Variants in HMCN2 observed in about 807,000 individuals in gnomAD.
The protein encoded by HMCN2 is hemicentin 2, also known as hemicentin-2.
HMCN2 carries 325 observed loss-of-function variants against 377.5 expected under a neutral mutation model. The ratio of observed to expected loss-of-function variants is 0.86; its 90% CI spans 0.79 to 0.94. HMCN2 has a LOEUF of 0.94. Among genes scored for constraint, HMCN2 ranks in the 40% least tolerant of loss-of-function variants. The pLI is 0.00. For synonymous variants in HMCN2, 2,007 were observed against 2,046.8 expected, an observed-to-expected ratio of 0.98 and a Z score of 0.53; for missense variants, 4,543 against 4,725.3, an observed-to-expected ratio of 0.96 and a Z score of 1.13.
intron 15 of HMCN2, among the ~76,000 whole-genome samples, chr9:130,316,101 G>A (rs1837547750): frequency 6.6e-6 from 1 of 152,174 alleles, no homozygotes; most frequent in African/African-American, 2.4e-5. Flanking sequence ...CAGAGGCAGC[G>A]TGAAAGGCAG....
chr9:130,270,410 A>G (rs1834355813), intron 1 of HMCN2, among the ~76,000 whole-genome samples: 1 of 147,052 alleles, frequency 6.8e-6, no homozygotes, highest in Admixed American at 6.8e-5. Flanking sequence ...TGAAATTTTA[A>G]AAATTGGTAG....
chr9:130,384,340 T>C, intron 57 of HMCN2, 33 bp from the exon 58 acceptor site: 1 of 1,271,214 alleles, frequency 7.9e-7, no homozygotes, highest in Non-Finnish European at 1.0e-6. Flanking sequence ...GTGATTCTCA[T>C]GCCTTTCTCT....
At position 130,373,111 on chromosome 9, in the gene HMCN2, G is replaced by A; in HGVS notation, c.7425G>A (p.Met2475Ile). ...TTGATGGACAGACTGCCCATCTTATGTGCAACGTCACAGGTAAGGGCCACA... is the reference window on the plus strand; with the variant it reads ...TTGATGGACAGACTGCCCATCTTATATGCAACGTCACAGGTAAGGGCCACA... ...KVLDGQTAHL[M>I]CNVTGHPQPK... The change falls in exon 48 of 98, where the codon ATG becomes ATA. Residue 2475 changes from methionine to isoleucine, a missense_variant. Coordinates refer to ENST00000683500, the MANE Select transcript of HMCN2 (RefSeq NM_001291815.2). 3.1e-6 allele frequency: 3 copies of A among 981,524 alleles called. No homozygotes were observed. The highest frequency in any genetic ancestry group is 9.4e-5 in the South Asian group (2 of 21,198). The allele number at this position is 981,524 out of a possible 1,614,324, so 60.8% of individuals were successfully genotyped here. A position where few individuals can be genotyped will look rare whatever the true frequency, so the allele number is the denominator to read the frequency against.
At position 130,423,788 on chromosome 9, in the gene HMCN2, T is replaced by G. The variant is rs561523975; in HGVS notation, c.13382-988T>G. On this transcript the variant is annotated intron_variant, in intron 87 of 97. Coordinates refer to ENST00000683500, the MANE Select transcript of HMCN2 (RefSeq NM_001291815.2). The surrounding 1 kb of genome is among the most constrained non-coding windows in gnomAD (Gnocchi z 5.5). ...CACGTCCAGGGCCATTTTTTGGTTCTTTTTTCAAACGGTTTGGAACAAACC... is the reference window on the plus strand; with the variant it reads ...CACGTCCAGGGCCATTTTTTGGTTCGTTTTTCAAACGGTTTGGAACAAACC... Among the ~76,000 whole-genome samples the G allele has an allele frequency of 1.4e-3, 215 of 152,314 alleles. No homozygotes were observed. Among genetic ancestry groups the G allele is most frequent in the African/African-American group, 5.1e-3 (210 of 41,562 alleles).
rs1843020729 is a variant in HMCN2, at chr9:130,404,962, C to T, written c.12242C>T (p.Pro4081Leu). 1 of 1,289,370 alleles carries T rather than the reference C, an allele frequency of 7.8e-7. No homozygotes were observed. Among genetic ancestry groups the T allele is most frequent in the African/African-American group, 1.5e-5 (1 of 65,884 alleles). The allele number at this position is 1,289,370 out of a possible 1,614,324, so 79.9% of individuals were successfully genotyped here. ...TGCAAGGCGAGGGGCAGTCCTGAGCCCAACATCACCTGGGACAAAGATGGC... is the reference window on the plus strand; with the variant it reads ...TGCAAGGCGAGGGGCAGTCCTGAGCTCAACATCACCTGGGACAAAGATGGC... ...LPCKARGSPEPNITWDKDGQP... is the reference protein window; with the variant it reads ...LPCKARGSPELNITWDKDGQP... Residue 4081 changes from proline to leucine, a missense_variant, in exon 81 of 98, where the codon CCC becomes CTC. Coordinates refer to ENST00000683500, the MANE Select transcript of HMCN2 (RefSeq NM_001291815.2).
At chr9:130,408,670 T>C in intron 83 of HMCN2, 73 bp from the exon 84 acceptor site, 2 of 1,148,818 alleles carry the variant, frequency 1.7e-6, no homozygotes, top group Non-Finnish European at 2.3e-6. Context: ...TGGGCAGTCC[T>C]TTGGGGTTTA....
intron 48 of HMCN2, 61 bp from the exon 49 acceptor site, chr9:130,374,441 G>A: frequency 1.7e-5 from 15 of 887,322 alleles, no homozygotes; most frequent in Non-Finnish European, 2.0e-5. Flanking sequence ...AGCAGCCTGT[G>A]ACCCCTGGGC....
intron 3 of HMCN2, among the ~76,000 whole-genome samples, 151 bp downstream of exon 3, chr9:130,285,467 C>G (rs1835370379): frequency 6.6e-6 from 1 of 152,206 alleles, no homozygotes; most frequent in Non-Finnish European, 1.5e-5. Context: ...CATGCATGGC[C>G]AGAGCCTCCG....
At chr9:130,302,829 C>T in intron 8 of HMCN2, 28 bp from the exon 9 acceptor site, 1 of 436,944 alleles carries the variant, frequency 2.3e-6, no homozygotes, top group South Asian at 1.7e-5. Context: ...GGTGGGGAGA[C>T]ATTCTGAGTC....
At chr9:130,337,088 C>T (rs1445235024) in intron 22 of HMCN2, among the ~76,000 whole-genome samples, 48 of 152,280 alleles carry the variant, frequency 3.2e-4, no homozygotes, top group African/African-American at 9.4e-4. Context: ...CCGCAGCTGT[C>T]CTCCCTATTT....
chr9:130,402,595 C>G (rs1842904588), intron 77 of HMCN2, among the ~76,000 whole-genome samples, 194 bp from the exon 78 acceptor site: 1 of 152,222 alleles, frequency 6.6e-6, no homozygotes, highest in Admixed American at 6.5e-5. Context: ...TCGCCCATGT[C>G]TCTGCTTTGG....
At chr9:130,366,121 T>G (rs975761093) in intron 43 of HMCN2, 126 bp downstream of exon 43, 15 of 693,578 alleles carry the variant, frequency 2.2e-5, no homozygotes, top group African/African-American at 1.9e-5. Flanking sequence ...CTCGAGGGGG[T>G]GGGGATGCTG....
chr9:130,312,574 T>C (rs1221325235), intron 15 of HMCN2, among the ~76,000 whole-genome samples: 4 of 83,524 alleles, frequency 4.8e-5, no homozygotes, highest in Admixed American at 1.4e-4. Context: ...CTTTCTTTCT[T>C]TCTTTCTTTC....
intron 83 of HMCN2, among the ~76,000 whole-genome samples, chr9:130,408,036 G>A (rs1006156262): frequency 3.3e-5 from 5 of 152,210 alleles, no homozygotes; most frequent in African/African-American, 1.2e-4. Flanking sequence ...GAGCATGGAG[G>A]CCAGGGCATC....
At chr9:130,390,681 A>G (rs1317613649) in intron 62 of HMCN2, among the ~76,000 whole-genome samples, 2 of 143,200 alleles carry the variant, frequency 1.4e-5, no homozygotes, top group East Asian at 4.8e-4. Context: ...GGGGCAGGGC[A>G]TGGAGGGAGA....
At position 130,425,116 on chromosome 9, in the gene HMCN2, G is replaced by C. The variant is rs946846684; in HGVS notation, c.13627G>C (p.Asp4543His). Residue 4543 changes from aspartate to histidine, a missense_variant, in exon 89 of 98, where the codon GAT (aspartate) becomes CAT (histidine). Physicochemically the swap from Asp to His is moderately conservative, Grantham distance 81 (BLOSUM62 -1). This residue lies in a region of HMCN2 where 1,155 missense variants were observed against 1,157.7 expected (regional missense o/e 1.00). Transcript: ENST00000683500. ...TGTCCCCGAGAGCCTGGCTGACGCA[G>C]ATCTTCAAGTGCAGGTCGGGGGTCA... ...GVVPESLADA[D>H]LQVQDFEEHY... The C allele has an allele frequency of 5.8e-6, 9 of 1,549,296 alleles. No individual in the cohort carries two copies. The highest frequency in any genetic ancestry group is 7.8e-6 in the Non-Finnish European group (9 of 1,146,524).
intron 15 of HMCN2, among the ~76,000 whole-genome samples, chr9:130,314,615 C>T (rs1359647624): frequency 3.9e-5 from 6 of 152,134 alleles, no homozygotes; most frequent in East Asian, 1.9e-4. Context: ...GACCCCTCCC[C>T]GGGGTCCACT....
At chr9:130,332,826 G>A (rs1838496576) in intron 22 of HMCN2, among the ~76,000 whole-genome samples, 1 of 152,232 alleles carries the variant, frequency 6.6e-6, no homozygotes, top group African/African-American at 2.4e-5. Context: ...CATCTGTTGA[G>A]TGTTGCCTGA....
At chr9:130,386,083 C>T (rs900060012) in intron 60 of HMCN2, among the ~76,000 whole-genome samples, 24 of 152,178 alleles carry the variant, frequency 1.6e-4, no homozygotes, top group Non-Finnish European at 1.5e-5. Context: ...GCCCTCCCTC[C>T]CTCCTTCCGT....
Sources: gnomAD v4.1 joint callset for allele counts (sites outside exome capture counted in the v4.1 genomes callset) on GRCh38, gnomAD v4.1.1 for gene constraint, gnomAD v4.1.1 regional missense constraint, Gnocchi (gnomAD v3.1) non-coding constraint, MANE v1.5 for transcripts, NCBI Gene and HGNC (gene_info 2026-07-23, HGNC 2026-07-21) for gene names.